The following GRID2 variants were observed in gnomAD, a reference collection of about 807,000 sequenced individuals.
The protein encoded by GRID2 is glutamate receptor ionotropic, delta-2.
In GRID2, 33 loss-of-function variants were observed where a neutral mutation model predicts 114.8. That is an observed-to-expected ratio of 0.29 (90% CI 0.22 to 0.38). GRID2 has a LOEUF of 0.38. GRID2 is among the 10% of genes least tolerant of loss of function. GRID2 has a pLI of 1.00. For synonymous variants in GRID2, 505 were observed against 449.9 expected (o/e 1.12, Z -1.55); for missense variants, 1,184 against 1,257.7 (o/e 0.94, Z 0.89).
intron 13 of GRID2, among the ~76,000 whole-genome samples, chr4:93,580,656 G>T (rs1258920451): frequency 1.3e-5 from 2 of 152,014 alleles, no homozygotes; most frequent in Non-Finnish European, 2.9e-5. Context: ...GCATATTTTT[G>T]AAACACTCTG....
At chr4:92,561,418 C>G (rs988086936) in intron 1 of GRID2, among the ~76,000 whole-genome samples, 1 of 152,158 alleles carries the variant, frequency 6.6e-6, no homozygotes, top group Non-Finnish European at 1.5e-5. Flanking sequence ...TCACTTTAAG[C>G]TTCTGTTTTT....
intron 14 of GRID2, among the ~76,000 whole-genome samples, chr4:93,645,205 G>A (rs921936765): frequency 6.6e-6 from 1 of 152,102 alleles, no homozygotes; most frequent in Non-Finnish European, 1.5e-5. Flanking sequence ...GGAAAGAGGG[G>A]AGCAAAATCA....
At chr4:93,777,564 CT>C (rs972772800), downstream of GRID2, among the ~76,000 whole-genome samples, 3 of 152,280 alleles carry the variant, frequency 2.0e-5, no homozygotes, top group East Asian at 1.9e-4. Context: ...GAAGGAGGAC[CT>C]GGTTTTCTTT....
At chr4:93,181,243 A>G (rs908500060) in intron 4 of GRID2, among the ~76,000 whole-genome samples, 6 of 152,156 alleles carry the variant, frequency 3.9e-5, no homozygotes, top group Non-Finnish European at 7.4e-5. Context: ...TTGTCAATAA[A>G]GAGTAATATC....
chr4:93,727,272 A>G (rs1417678145), intron 14 of GRID2, among the ~76,000 whole-genome samples: 3 of 152,176 alleles, frequency 2.0e-5, no homozygotes, highest in Non-Finnish European at 4.4e-5. Flanking sequence ...GGTTCTGTTT[A>G]TATGCTGGAT....
chr4:92,565,806 G>T (rs964447705), intron 1 of GRID2, among the ~76,000 whole-genome samples: 3 of 151,972 alleles, frequency 2.0e-5, no homozygotes, highest in African/African-American at 7.2e-5. Flanking sequence ...ACTGTTCATA[G>T]TTTAAAGAAT....
chr4:92,614,879 A>G (rs1335169447), intron 2 of GRID2, among the ~76,000 whole-genome samples: 2 of 150,646 alleles, frequency 1.3e-5, no homozygotes, highest in East Asian at 3.9e-4. Flanking sequence ...TCTCAGTTTC[A>G]GGTATTTACA....
chr4:92,660,367 T>G (rs1732458781), intron 2 of GRID2, among the ~76,000 whole-genome samples: 2 of 151,306 alleles, frequency 1.3e-5, no homozygotes, highest in South Asian at 4.1e-4. Flanking sequence ...TATAAAAGGC[T>G]GGTTCCAGTT....
chr4:93,313,819 C>T (rs1756282350), intron 8 of GRID2, among the ~76,000 whole-genome samples: 1 of 152,066 alleles, frequency 6.6e-6, no homozygotes, highest in Admixed American at 6.6e-5. Context: ...TTGCAGTTTT[C>T]ATAAGGGGGT....
chr4:92,966,494 C>T (rs973654963), intron 2 of GRID2, among the ~76,000 whole-genome samples: 1 of 151,856 alleles, frequency 6.6e-6, no homozygotes, highest in Non-Finnish European at 1.5e-5. Context: ...GTGTCCCCAC[C>T]CAAATCTCAC....
intron 9 of GRID2, among the ~76,000 whole-genome samples, chr4:93,419,384 G>A (rs1376001506): frequency 3.3e-5 from 5 of 151,930 alleles, no homozygotes; most frequent in Non-Finnish European, 7.4e-5. Flanking sequence ...AACAAGCTAA[G>A]TATTACTGCA....
rs574851527 is a variant in GRID2, at chr4:92,897,411, G to A, written c.245-187584G>A. 1.3e-4 allele frequency among the ~76,000 whole-genome samples: 20 copies of A among 152,140 alleles called. No homozygotes were observed. The East Asian group carries it at 3.1e-3, about 24-fold the overall frequency. ...AGTGTACTTTTAGAGAAAGGGCAAA[G>A]TTCCTATTTTGTTTGTTTTAAAAAA... On this transcript the variant is annotated intron_variant, in intron 2 of 15. Coordinates refer to ENST00000282020, the MANE Select transcript of GRID2 (RefSeq NM_001510.4).
At chr4:93,085,596 C>T (rs940181208) in intron 3 of GRID2, among the ~76,000 whole-genome samples, 2 of 151,910 alleles carry the variant, frequency 1.3e-5, no homozygotes, top group Admixed American at 6.6e-5. Flanking sequence ...AAAACAACAC[C>T]GTCTTTCTTC....
At chr4:93,389,865 G>A (rs898428965) in intron 8 of GRID2, among the ~76,000 whole-genome samples, 28 of 150,868 alleles carry the variant, frequency 1.9e-4, no homozygotes, top group Non-Finnish European at 3.2e-4. Context: ...CTCGGCTCAC[G>A]GCAACCTCCA....
At chr4:93,711,200 G>A (rs1318988674) in intron 14 of GRID2, among the ~76,000 whole-genome samples, 4 of 151,854 alleles carry the variant, frequency 2.6e-5, no homozygotes, top group African/African-American at 2.4e-5. Context: ...AAGCCAGCAC[G>A]GTACTGGGTA....
chr4:92,705,371 C>CT (rs1198876145), intron 2 of GRID2, among the ~76,000 whole-genome samples: 1 of 152,148 alleles, frequency 6.6e-6, no homozygotes, highest in Non-Finnish European at 1.5e-5. Flanking sequence ...TGAGAACATA[C>CT]TACACGCCAG....
intron 13 of GRID2, among the ~76,000 whole-genome samples, chr4:93,586,879 T>C (rs557130089): frequency 6.6e-6 from 1 of 152,250 alleles, no homozygotes; most frequent in South Asian, 2.1e-4. Flanking sequence ...TTCTCTCTTT[T>C]TTAACCTCAT....
At chr4:93,125,393 ATATT>A (rs1325806116) in intron 4 of GRID2, among the ~76,000 whole-genome samples, 1 of 151,956 alleles carries the variant, frequency 6.6e-6, no homozygotes, top group Non-Finnish European at 1.5e-5. Flanking sequence ...TATATACATA[ATATT>A]TATATATGTT....
chr4:93,480,125 C>A (rs1725705051), intron 11 of GRID2, among the ~76,000 whole-genome samples: 1 of 152,018 alleles, frequency 6.6e-6, no homozygotes, highest in African/African-American at 2.4e-5. Flanking sequence ...GAATAAAAAT[C>A]TCCAACTTTT....
Sources: allele counts gnomAD v4.1 joint callset (sites outside exome capture counted in the v4.1 genomes callset), GRCh38; gene constraint gnomAD v4.1.1; transcripts MANE v1.5; gene names NCBI Gene and HGNC (gene_info 2026-07-23, HGNC 2026-07-21).